The following CPNE4 variants were observed in gnomAD, a reference collection of about 807,000 sequenced individuals.
The protein encoded by CPNE4 is copine 4, also known as copine-4.
CPNE4 carries 25 observed loss-of-function variants against 67.9 expected under a neutral mutation model. That is an observed-to-expected ratio of 0.37 (90% CI 0.27 to 0.51). The LOEUF (loss-of-function observed/expected upper bound fraction) is 0.51. Ranked by LOEUF, CPNE4 falls within the 20% of genes least tolerant of loss-of-function variation. The pLI is 0.93. For synonymous variants in CPNE4, 242 were observed against 244.9 expected, an observed-to-expected ratio of 0.99 and a Z score of 0.11; for missense variants, 464 against 690.8, an observed-to-expected ratio of 0.67 and a Z score of 3.68.
intron 1 of CPNE4, among the ~76,000 whole-genome samples, chr3:132,022,238 C>A (rs1490851749): frequency 6.6e-6 from 1 of 152,194 alleles, no homozygotes; most frequent in South Asian, 2.1e-4. Context: ...CCTGTTTGTG[C>A]CTGCTTTAGA....
chr3:131,862,069 T>G (rs905810575), intron 2 of CPNE4, among the ~76,000 whole-genome samples: 2 of 151,960 alleles, frequency 1.3e-5, no homozygotes, highest in African/African-American at 4.8e-5. Context: ...TCTTTGCAAT[T>G]TTTTTTTATT....
chr3:131,921,355 T>C (rs1291463805), intron 1 of CPNE4, among the ~76,000 whole-genome samples: 1 of 152,172 alleles, frequency 6.6e-6, no homozygotes, highest in Non-Finnish European at 1.5e-5. Context: ...TAGTCATAGA[T>C]ACTCTCTCTT....
intron 9 of CPNE4, among the ~76,000 whole-genome samples, chr3:131,580,804 T>C (rs1240020329): frequency 6.6e-6 from 1 of 152,212 alleles, no homozygotes; most frequent in African/African-American, 2.4e-5. Flanking sequence ...CTGGAAGGAA[T>C]TCGTAAGCCC....
At chr3:131,902,852 T>C (rs1320652317) in intron 2 of CPNE4, among the ~76,000 whole-genome samples, 2 of 152,078 alleles carry the variant, frequency 1.3e-5, no homozygotes, top group African/African-American at 4.8e-5. Context: ...ACAAAGTCAA[T>C]GAGAATATTT....
chr3:131,804,375 T>C (rs1281569786), intron 2 of CPNE4, among the ~76,000 whole-genome samples: 3 of 152,126 alleles, frequency 2.0e-5, no homozygotes, highest in Admixed American at 6.5e-5. Flanking sequence ...CTATAGAATA[T>C]GTGAACTACT....
At chr3:131,828,330 T>G (rs2085244253) in intron 2 of CPNE4, among the ~76,000 whole-genome samples, 1 of 152,192 alleles carries the variant, frequency 6.6e-6, no homozygotes, top group African/African-American at 2.4e-5. Context: ...GTCTCCCTAA[T>G]TTATAACACC....
chr3:131,748,604 T>C (rs1477631534), intron 2 of CPNE4, among the ~76,000 whole-genome samples: 1 of 152,072 alleles, frequency 6.6e-6, no homozygotes, highest in African/African-American at 2.4e-5. Context: ...TAAATTTCCT[T>C]AATTGTTATA....
chr3:132,014,244 T>C (rs1389608966), intron 1 of CPNE4, among the ~76,000 whole-genome samples: 2 of 152,166 alleles, frequency 1.3e-5, no homozygotes, highest in Non-Finnish European at 1.5e-5. Flanking sequence ...CAGCCAGGAA[T>C]GGAGCACCCT....
intron 3 of CPNE4, among the ~76,000 whole-genome samples, chr3:131,713,923 G>A (rs1365573596): frequency 6.6e-6 from 1 of 152,064 alleles, no homozygotes; most frequent in Non-Finnish European, 1.5e-5. Flanking sequence ...CTACTTCCCA[G>A]GATTTCTTAT....
intron 2 of CPNE4, among the ~76,000 whole-genome samples, chr3:131,776,615 C>G (rs563319794): frequency 2.0e-5 from 3 of 152,216 alleles, no homozygotes; most frequent in South Asian, 2.1e-4. Context: ...ATACCCCTAG[C>G]GATAAAGCAG....
chr3:131,660,342 A>AG (rs2080090575), intron 7 of CPNE4, among the ~76,000 whole-genome samples: 1 of 107,404 alleles, frequency 9.3e-6, no homozygotes, highest in Non-Finnish European at 2.1e-5. Flanking sequence ...TAGGCAGAGG[A>AG]GGGGTCCCAT....
At chr3:131,887,498 C>CAGT (rs1043434318) in intron 2 of CPNE4, among the ~76,000 whole-genome samples, 1 of 152,172 alleles carries the variant, frequency 6.6e-6, no homozygotes, top group African/African-American at 2.4e-5. Context: ...ATACTGACCT[C>CAGT]AGTAGGCTGT....
chr3:132,033,129 GTA>G (rs2107705823), intron 1 of CPNE4, among the ~76,000 whole-genome samples: 1 of 152,392 alleles, frequency 6.6e-6, no homozygotes, highest in Admixed American at 6.5e-5. Context: ...GTACGCCTGT[GTA>G]TGTGTGCGCG....
At chr3:131,780,182 AGATGCT>A (rs1175281889) in intron 2 of CPNE4, among the ~76,000 whole-genome samples, 5 of 152,284 alleles carry the variant, frequency 3.3e-5, no homozygotes, top group African/African-American at 9.6e-5. Flanking sequence ...AAAAAATAAC[AGATGCT>A]GGCAAGGTTG....
rs563540880 is a variant in CPNE4, at chr3:131,628,522, G to A, written c.682-40940C>T. ...GTAGAATTTGGCTCTGAATCTGTCT[G>A]GTCCTGGACTTTTTTTGGTTGGTAG... On this transcript the variant is annotated intron_variant, in intron 7 of 15. Coordinates refer to ENST00000429747, the MANE Select transcript of CPNE4 (RefSeq NM_130808.3). Among the ~76,000 whole-genome samples the A allele has an allele frequency of 3.3e-5, 5 of 152,382 alleles. No homozygotes were observed. The East Asian group carries it at 9.6e-4, about 29-fold the overall frequency.
chr3:131,792,057 G>A (rs967731903), intron 2 of CPNE4, among the ~76,000 whole-genome samples: 1 of 152,110 alleles, frequency 6.6e-6, no homozygotes, highest in Admixed American at 6.6e-5. Context: ...TTTCCTGGCA[G>A]AGAGGACCAG....
chr3:132,028,739 T>C (rs912594774), intron 1 of CPNE4, among the ~76,000 whole-genome samples: 2 of 152,304 alleles, frequency 1.3e-5, no homozygotes, highest in African/African-American at 2.4e-5. Flanking sequence ...ACTACCCACA[T>C]AGGAGCATTA....
chr3:131,584,097 TCATAACTCC>T (rs545888644), intron 8 of CPNE4, among the ~76,000 whole-genome samples: 143 of 152,254 alleles, frequency 9.4e-4, no homozygotes, highest in African/African-American at 3.3e-3. Context: ...ACCTATAGAA[TCATAACTCC>T]CACAGGAAAA....
intron 3 of CPNE4, among the ~76,000 whole-genome samples, chr3:131,715,784 A>G (rs565998515): frequency 6.6e-6 from 1 of 152,374 alleles, no homozygotes; most frequent in African/African-American, 2.4e-5. Flanking sequence ...AAGAGAAAAT[A>G]AATGCATCAC....
Sources: allele counts gnomAD v4.1 joint callset (sites outside exome capture counted in the v4.1 genomes callset), GRCh38; gene constraint gnomAD v4.1.1; transcripts MANE v1.5; gene names NCBI Gene and HGNC (gene_info 2026-07-23, HGNC 2026-07-21).